The following GRM3 variants were observed in gnomAD, a reference collection of about 807,000 sequenced individuals.
GRM3 encodes metabotropic glutamate receptor 3.
Under a neutral mutation model 70.5 loss-of-function variants are expected in GRM3, and 26 were observed. That is an observed-to-expected ratio of 0.37 (90% confidence interval 0.27 to 0.51). GRM3 has a LOEUF of 0.51. Ranked by LOEUF, GRM3 falls within the 20% of genes least tolerant of loss-of-function variation. The pLI is 0.93. For missense variants in GRM3, 859 were observed against 1,123.8 expected (o/e 0.76, Z 3.37); for synonymous variants, 443 against 434.9 (o/e 1.02, Z -0.23).
rs551435534 is a variant in GRM3, at chr7:86,772,253, A to G, written c.468+6640A>G. Among the ~76,000 whole-genome samples the G allele has an allele frequency of 1.1e-4, 16 of 152,204 alleles. No individual in the cohort carries two copies. The South Asian group carries it at 3.3e-3, about 32-fold the overall frequency. ...AGTTGATAAGAACTGAAAGATGTTA[A>G]CCTGCTATACTTCCAGAAGGCTCAA... On this transcript the variant is annotated intron_variant, in intron 2 of 5. Transcript: ENST00000361669.
intron 1 of GRM3, among the ~76,000 whole-genome samples, chr7:86,687,651 C>A (rs1271420683): frequency 6.6e-6 from 1 of 151,720 alleles, no homozygotes; most frequent in Non-Finnish European, 1.5e-5. Flanking sequence ...GAAAAATGAT[C>A]TCATAGACAT....
At chr7:86,768,920 A>C (rs1351966382) in intron 2 of GRM3, among the ~76,000 whole-genome samples, 1 of 152,076 alleles carries the variant, frequency 6.6e-6, no homozygotes, top group Non-Finnish European at 1.5e-5. Flanking sequence ...ACAAATAATA[A>C]GAGTTGTTAG....
intron 1 of GRM3, among the ~76,000 whole-genome samples, chr7:86,667,312 T>G (rs181146823): frequency 2.6e-4 from 40 of 152,232 alleles, no homozygotes; most frequent in Non-Finnish European, 4.9e-4. Context: ...GGGAAATACC[T>G]GTGGCTTAAG....
At chr7:86,661,115 C>T (rs1793881363) in intron 1 of GRM3, among the ~76,000 whole-genome samples, 1 of 151,926 alleles carries the variant, frequency 6.6e-6, no homozygotes, top group African/African-American at 2.4e-5. Context: ...TCAATAAAGT[C>T]TATAGGAGAA....
intron 5 of GRM3, among the ~76,000 whole-genome samples, chr7:86,857,918 TTTTTA>T (rs375923210): frequency 0.24 from 33,998 of 142,420 alleles, 4,301 homozygotes; most frequent in Non-Finnish European, 0.27. Flanking sequence ...AGAGAGTAAA[TTTTTA>T]TTTTATTTTA....
At position 86,839,253 on chromosome 7, in the gene GRM3, C is replaced by A. The variant is rs751304000; in HGVS notation, c.1739C>A (p.Pro580Gln). ...IRWEDAWAIG[P>Q]VTIACLGFMC... is the part of the protein sequence containing the mutation. ...TGGGAAGACGCCTGGGCCATTGGCC[C>A]AGTCACCATTGCCTGTCTGGGTTTT... The change falls in exon 4 of 6, where the codon CCA (proline) becomes CAA (glutamine). Residue 580 changes from proline to glutamine, a missense_variant. Pro to Gln is a moderately conservative substitution (Grantham distance 76, BLOSUM62 -1). Transcript: ENST00000361669. This position sits in a 1 kb window ranked among gnomAD's most constrained non-coding sequence, Gnocchi z 4.5. 1.9e-6 allele frequency: 3 copies of A among 1,614,034 alleles called. No individual in the cohort carries two copies. The highest frequency in any genetic ancestry group is 2.5e-6 in the Non-Finnish European group (3 of 1,179,892).
intron 3 of GRM3, among the ~76,000 whole-genome samples, chr7:86,828,139 CCAATA>C (rs1798280695): frequency 7.7e-6 from 1 of 129,390 alleles, no homozygotes; most frequent in Non-Finnish European, 1.6e-5. Context: ...AAAAAAAAAT[CCAATA>C]CAAGTGGACT....
At chr7:86,850,309 T>A in intron 4 of GRM3, 61 bp from the exon 5 acceptor site, 2 of 1,191,634 alleles carry the variant, frequency 1.7e-6, no homozygotes, top group Non-Finnish European at 2.5e-6. Context: ...CAGCACTCTC[T>A]TTAGTTGGCC....
intron 1 of GRM3, among the ~76,000 whole-genome samples, chr7:86,722,910 C>T (rs1162157395): frequency 6.6e-6 from 1 of 152,058 alleles, no homozygotes; most frequent in African/African-American, 2.4e-5. Context: ...ACAGAGCTCA[C>T]TAATTAGAGG....
chr7:86,828,376 C>T (rs1237897372), intron 3 of GRM3, among the ~76,000 whole-genome samples: 1 of 152,116 alleles, frequency 6.6e-6, no homozygotes, highest in East Asian at 1.9e-4. Flanking sequence ...CAAATACATA[C>T]ACACTATATA....
intron 1 of GRM3, among the ~76,000 whole-genome samples, chr7:86,673,090 A>T (rs1466433339): frequency 2.0e-5 from 3 of 152,160 alleles, no homozygotes; most frequent in African/African-American, 7.2e-5. Context: ...GATCTGGAAC[A>T]GAAAGATTCC....
chr7:86,774,976 T>G (rs953013309), intron 2 of GRM3: 1 of 152,134 alleles, frequency 6.6e-6, no homozygotes, highest in Non-Finnish European at 1.5e-5. Context: ...TAAAGGAATG[T>G]AACATCAGAC....
chr7:86,832,827 A>T lies in GRM3; in HGVS notation c.1325-6012A>T, dbSNP rs1308533304. On this transcript the variant is annotated intron_variant, in intron 3 of 5. Transcript: ENST00000361669. ...GTTCCCATTCGAAACTGGGGTCAGAACTAATTGGATAATAAGCTAACCCGA... is the reference window on the plus strand; with the variant it reads ...GTTCCCATTCGAAACTGGGGTCAGATCTAATTGGATAATAAGCTAACCCGA... Among the ~76,000 whole-genome samples the T allele has an allele frequency of 3.3e-5, 5 of 152,198 alleles. No homozygotes were observed. In the South Asian group the frequency reaches 8.3e-4, roughly 25 times the overall value.
At chr7:86,695,152 G>A (rs1440194886) in intron 1 of GRM3, among the ~76,000 whole-genome samples, 1 of 152,122 alleles carries the variant, frequency 6.6e-6, no homozygotes, top group Admixed American at 6.5e-5. Flanking sequence ...CTCAACTGAA[G>A]TTCATTGAAC....
chr7:86,690,523 C>A (rs546336156), intron 1 of GRM3, among the ~76,000 whole-genome samples: 22 of 152,142 alleles, frequency 1.4e-4, no homozygotes, highest in Admixed American at 1.4e-3. Flanking sequence ...TGAGCCTTCA[C>A]CATGAAATTA....
At chr7:86,710,223 C>T (rs1208378593) in intron 1 of GRM3, 2 of 151,808 alleles carry the variant, frequency 1.3e-5, no homozygotes, top group Non-Finnish European at 2.9e-5. Context: ...ATATAGTCCA[C>T]TTATTTCTTT....
At chr7:86,662,602 GTATATT>G (rs1444595927) in intron 1 of GRM3, among the ~76,000 whole-genome samples, 1 of 151,848 alleles carries the variant, frequency 6.6e-6, no homozygotes, top group Non-Finnish European at 1.5e-5. Context: ...TCTAAGGTCT[GTATATT>G]TATAAGAGTC....
chr7:86,726,821 A>G (rs1468066338), intron 1 of GRM3, among the ~76,000 whole-genome samples: 4 of 152,326 alleles, frequency 2.6e-5, no homozygotes, highest in African/African-American at 9.6e-5. Flanking sequence ...TTGTAACACT[A>G]TTCTTAACAG....
At chr7:86,656,880 G>T (rs147048947) in intron 1 of GRM3, among the ~76,000 whole-genome samples, 3 of 152,004 alleles carry the variant, frequency 2.0e-5, no homozygotes. Flanking sequence ...AACATTTGCT[G>T]GTTTTTCTGA....
Sources: gnomAD v4.1 joint callset for allele counts (sites outside exome capture counted in the v4.1 genomes callset) on GRCh38, gnomAD v4.1.1 for gene constraint, Gnocchi (gnomAD v3.1) non-coding constraint, MANE v1.5 for transcripts, NCBI Gene and HGNC (gene_info 2026-07-23, HGNC 2026-07-21) for gene names.